Variants in CLYBL observed in about 807,000 individuals in gnomAD.
The protein encoded by CLYBL is citramalyl-CoA lyase, also known as citramalyl-CoA lyase, mitochondrial.
A neutral mutation model predicts 38.9 loss-of-function variants in CLYBL; 31 were observed. That is an observed-to-expected ratio of 0.80 (90% CI 0.60 to 1.08). The LOEUF is 1.08. CLYBL is among the 50% of genes least tolerant of loss of function. CLYBL has a pLI of 0.00. For synonymous variants in CLYBL, 171 were observed against 158.6 expected, an observed-to-expected ratio of 1.08 and a Z score of -0.59; for missense variants, 434 against 411.6, an observed-to-expected ratio of 1.05 and a Z score of -0.47.
intron 1 of CLYBL, among the ~76,000 whole-genome samples, chr13:99,640,479 G>A (rs528084753): frequency 1.3e-5 from 2 of 152,344 alleles, no homozygotes; most frequent in East Asian, 3.9e-4. Flanking sequence ...GTGGAAAATA[G>A]TTAAAGTGTG....
downstream of CLYBL, chr13:99,895,572 TC>T (rs767269310): frequency 1.3e-5 from 2 of 152,082 alleles, no homozygotes; most frequent in Non-Finnish European, 1.5e-5. Context: ...CTGAGCGCGG[TC>T]CCCACGGAGG....
intron 1 of CLYBL, among the ~76,000 whole-genome samples, chr13:99,764,040 C>CA (rs200533098): frequency 2.1e-4 from 31 of 148,328 alleles, no homozygotes; most frequent in Non-Finnish European, 2.7e-4. Context: ...CATTCCTCTT[C>CA]AAAAAAAAAA....
intron 2 of CLYBL, among the ~76,000 whole-genome samples, chr13:99,842,727 A>AT (rs1347859372): frequency 1.3e-5 from 2 of 151,790 alleles, no homozygotes; most frequent in Non-Finnish European, 2.9e-5. Context: ...AAAAAAAGCA[A>AT]TTTTAGTTTA....
intron 7 of CLYBL, among the ~76,000 whole-genome samples, chr13:99,873,268 T>C (rs1356707929): frequency 6.6e-6 from 1 of 152,244 alleles, no homozygotes; most frequent in African/African-American, 2.4e-5. Flanking sequence ...TAGGTGACTC[T>C]GGATCTTGAG....
chr13:99,708,755 G>A (rs1017659820), intron 1 of CLYBL, among the ~76,000 whole-genome samples: 1 of 152,160 alleles, frequency 6.6e-6, no homozygotes, highest in Admixed American at 6.6e-5. Context: ...TACTCAGAAT[G>A]TGATTGTATT....
At chr13:99,752,897 A>G (rs984678915) in intron 1 of CLYBL, among the ~76,000 whole-genome samples, 1 of 152,100 alleles carries the variant, frequency 6.6e-6, no homozygotes, top group Non-Finnish European at 1.5e-5. Flanking sequence ...AATTCTCTGA[A>G]CCCAGTGGAA....
intron 1 of CLYBL, among the ~76,000 whole-genome samples, chr13:99,635,313 C>CA (rs1252989905): frequency 6.6e-6 from 1 of 152,010 alleles, no homozygotes; most frequent in Non-Finnish European, 1.5e-5. Context: ...ACGCCCCCCA[C>CA]ACCCCCAACC....
At chr13:99,629,556 C>T (rs2046914838) in intron 1 of CLYBL, among the ~76,000 whole-genome samples, 1 of 152,210 alleles carries the variant, frequency 6.6e-6, no homozygotes, top group Admixed American at 6.5e-5. Flanking sequence ...AGCTCCTTCT[C>T]TGTACTGTGG....
At chr13:99,664,669 C>T (rs2047455100) in intron 1 of CLYBL, among the ~76,000 whole-genome samples, 1 of 152,106 alleles carries the variant, frequency 6.6e-6, no homozygotes, top group African/African-American at 2.4e-5. Flanking sequence ...GACGTAGTGC[C>T]AGCTTTGTAT....
intron 2 of CLYBL, among the ~76,000 whole-genome samples, chr13:99,784,794 A>G (rs189303808): frequency 1.1e-4 from 16 of 152,268 alleles, no homozygotes; most frequent in Admixed American, 1.0e-3. Context: ...AAATGCATTA[A>G]AAAGTACTTT....
At chr13:99,664,646 A>G (rs551244077) in intron 1 of CLYBL, among the ~76,000 whole-genome samples, 1 of 152,348 alleles carries the variant, frequency 6.6e-6, no homozygotes, top group Non-Finnish European at 1.5e-5. Context: ...AAATGCACAC[A>G]TTCATAACGT....
At chr13:99,625,633 T>C (rs1196783701) in intron 1 of CLYBL, among the ~76,000 whole-genome samples, 1 of 152,258 alleles carries the variant, frequency 6.6e-6, no homozygotes, top group Non-Finnish European at 1.5e-5. Flanking sequence ...GCAGAACTTA[T>C]TGATTGTATT....
At chr13:99,637,380 C>T (rs543975703) in intron 1 of CLYBL, among the ~76,000 whole-genome samples, 1 of 152,312 alleles carries the variant, frequency 6.6e-6, no homozygotes, top group East Asian at 1.9e-4. Flanking sequence ...CCATTTCTGT[C>T]AAATCCAGTC....
At chr13:99,753,394 G>T (rs1429241029) in intron 1 of CLYBL, among the ~76,000 whole-genome samples, 1 of 152,190 alleles carries the variant, frequency 6.6e-6, no homozygotes, top group African/African-American at 2.4e-5. Context: ...CCAGGAACCA[G>T]TCGGGAGTAA....
chr13:99,858,233 C>CA (rs1392363298), intron 2 of CLYBL, among the ~76,000 whole-genome samples: 1 of 152,190 alleles, frequency 6.6e-6, no homozygotes, highest in Non-Finnish European at 1.5e-5. Flanking sequence ...TCAAGCACTT[C>CA]ATGAAGGGAT....
At chr13:99,746,733 C>T (rs1431973436) in intron 1 of CLYBL, among the ~76,000 whole-genome samples, 1 of 152,176 alleles carries the variant, frequency 6.6e-6, no homozygotes, top group Non-Finnish European at 1.5e-5. Flanking sequence ...TTTACCAAAT[C>T]CTCCCATGTC....
intron 1 of CLYBL, among the ~76,000 whole-genome samples, chr13:99,638,248 G>A (rs1313724401): frequency 6.6e-6 from 1 of 152,156 alleles, no homozygotes; most frequent in African/African-American, 2.4e-5. Context: ...ATGAGCCACT[G>A]TGCCCAGCTT....
chr13:99,908,363 T>C (rs1218133140), exon 10 of CLYBL, among the ~76,000 whole-genome samples: 1 of 152,176 alleles, frequency 6.6e-6, no homozygotes, highest in Non-Finnish European at 1.5e-5. Context: ...CCAAGCAGCA[T>C]GCTACAGGCC....
At chr13:99,815,584 C>T (rs1254208561) in intron 2 of CLYBL, among the ~76,000 whole-genome samples, 2 of 152,052 alleles carry the variant, frequency 1.3e-5, no homozygotes, top group South Asian at 2.1e-4. Context: ...GACCTTGTCT[C>T]TAAAAATAAA....
Sources: allele counts gnomAD v4.1 joint callset (sites outside exome capture counted in the v4.1 genomes callset), GRCh38; gene constraint gnomAD v4.1.1; transcripts MANE v1.5; gene names NCBI Gene and HGNC (gene_info 2026-07-23, HGNC 2026-07-21).